Variants in CDK14 observed in about 807,000 individuals in gnomAD.
CDK14 encodes the protein cyclin-dependent kinase 14.
A neutral mutation model predicts 60.7 loss-of-function variants in CDK14; 34 were observed. The ratio of observed to expected loss-of-function variants is 0.56; its 90% CI spans 0.43 to 0.75. The LOEUF (loss-of-function observed/expected upper bound fraction) is 0.75. Among genes scored for constraint, CDK14 ranks in the 30% least tolerant of loss-of-function variants. CDK14 has a pLI of 0.00. For synonymous variants in CDK14, 197 were observed against 203.7 expected (o/e 0.97, Z 0.28); for missense variants, 482 against 564.1 (o/e 0.85, Z 1.47).
At chr7:91,114,358 G>A (rs28532612) in intron 13 of CDK14, among the ~76,000 whole-genome samples, 100 of 152,208 alleles carry the variant, frequency 6.6e-4, no homozygotes, top group Middle Eastern at 3.4e-3. Context: ...ATTATCACTC[G>A]GCAGCAGACT....
At chr7:90,880,620 C>T (rs1791715996) in intron 6 of CDK14, among the ~76,000 whole-genome samples, 1 of 152,132 alleles carries the variant, frequency 6.6e-6, no homozygotes, top group African/African-American at 2.4e-5. Context: ...CCATGCCACC[C>T]AACTGGATGA....
chr7:90,736,503 G>A (rs552603259), intron 3 of CDK14, among the ~76,000 whole-genome samples: 1 of 151,830 alleles, frequency 6.6e-6, no homozygotes, highest in African/African-American at 2.4e-5. Flanking sequence ...CCCATGGGAA[G>A]CATGGGAAAA....
intron 14 of CDK14, among the ~76,000 whole-genome samples, chr7:91,171,987 T>C (rs989495169): frequency 6.6e-6 from 1 of 152,226 alleles, no homozygotes; most frequent in Non-Finnish European, 1.5e-5. Flanking sequence ...TTTTCTACAG[T>C]TGATTAGATT....
At chr7:90,883,982 T>C (rs951821462) in intron 6 of CDK14, among the ~76,000 whole-genome samples, 3 of 152,204 alleles carry the variant, frequency 2.0e-5, no homozygotes, top group African/African-American at 7.2e-5. Context: ...GCCAATATCA[T>C]ATTGAATGGG....
chr7:90,926,873 T>G (rs1252453431), intron 8 of CDK14, among the ~76,000 whole-genome samples: 1 of 152,168 alleles, frequency 6.6e-6, no homozygotes, highest in Non-Finnish European at 1.5e-5. Context: ...CCACGCCCCC[T>G]TCCTTGGGTT....
intron 5 of CDK14, among the ~76,000 whole-genome samples, chr7:90,809,040 C>G (rs538486090): frequency 6.6e-6 from 1 of 152,310 alleles, no homozygotes; most frequent in Admixed American, 6.5e-5. Context: ...TAACACCCCA[C>G]TGTCAGCATT....
At chr7:91,190,213 C>T (rs1802318041) in intron 14 of CDK14, among the ~76,000 whole-genome samples, 1 of 152,124 alleles carries the variant, frequency 6.6e-6, no homozygotes, top group South Asian at 2.1e-4. Context: ...AGGCTGAGGC[C>T]TCATCTTCAC....
At chr7:91,026,803 C>T (rs1796582883) in intron 10 of CDK14, among the ~76,000 whole-genome samples, 2 of 152,178 alleles carry the variant, frequency 1.3e-5, no homozygotes, top group Admixed American at 6.5e-5. Context: ...GGTGAGGCCC[C>T]CTCCTCCTAA....
chr7:91,182,379 TC>T (rs1802031975), intron 14 of CDK14, among the ~76,000 whole-genome samples: 3 of 152,098 alleles, frequency 2.0e-5, no homozygotes, highest in Admixed American at 2.0e-4. Context: ...GGTTTTTTTT[TC>T]TTTTTAGGAT....
At chr7:91,188,414 C>G (rs566406250) in intron 14 of CDK14, among the ~76,000 whole-genome samples, 2 of 152,058 alleles carry the variant, frequency 1.3e-5, no homozygotes, top group Non-Finnish European at 2.9e-5. Flanking sequence ...AAAGCAATAT[C>G]CAGGCAAAAC....
chr7:91,184,042 T>A lies in CDK14; in HGVS notation c.*29-23123T>A, dbSNP rs1802089909. ...AGTAAGACCTGTCTCTACTAAAAAA[T>A]TTTTAAACCAGGCGCTTAAAATTAC... On this transcript the variant is annotated intron_variant, in intron 14 of 14. Coordinates refer to ENST00000380050, the MANE Select transcript of CDK14 (RefSeq NM_001287135.2). 2.0e-5 allele frequency among the ~76,000 whole-genome samples: 3 copies of A among 151,686 alleles called. No individual in the cohort carries two copies. The South Asian group carries it at 6.3e-4, about 32-fold the overall frequency.
intron 6 of CDK14, among the ~76,000 whole-genome samples, chr7:90,877,388 C>G (rs1464125357): frequency 2.0e-5 from 3 of 151,772 alleles, no homozygotes; most frequent in African/African-American, 7.3e-5. Context: ...AACAGATACT[C>G]ATGCCTCATT....
chr7:90,942,843 A>G (rs1793975589), intron 8 of CDK14, among the ~76,000 whole-genome samples: 1 of 152,198 alleles, frequency 6.6e-6, no homozygotes, highest in Non-Finnish European at 1.5e-5. Context: ...ATATTTATAT[A>G]ACAGAATTTG....
chr7:91,001,451 G>A (rs901343285), intron 10 of CDK14, among the ~76,000 whole-genome samples: 1 of 152,206 alleles, frequency 6.6e-6, no homozygotes, highest in African/African-American at 2.4e-5. Context: ...AGCAAATGAA[G>A]AGATTTTATC....
At chr7:91,128,581 A>G (rs1800020017) in intron 14 of CDK14, among the ~76,000 whole-genome samples, 1 of 152,252 alleles carries the variant, frequency 6.6e-6, no homozygotes, top group African/African-American at 2.4e-5. Flanking sequence ...TAAACAAACC[A>G]CTTTGAGGGA....
At chr7:90,865,859 G>A (rs188620414) in intron 6 of CDK14, among the ~76,000 whole-genome samples, 5 of 152,204 alleles carry the variant, frequency 3.3e-5, no homozygotes, top group Non-Finnish European at 5.9e-5. Flanking sequence ...GGGAGATGAA[G>A]CAGTTATTTC....
chr7:91,034,753 CAT>C (rs1415553473), intron 10 of CDK14, among the ~76,000 whole-genome samples: 2 of 152,144 alleles, frequency 1.3e-5, no homozygotes, highest in African/African-American at 4.8e-5. Flanking sequence ...AACCCAGAAT[CAT>C]AGTATTTTAA....
At chr7:90,654,672 G>A (rs1314496281) in intron 2 of CDK14, among the ~76,000 whole-genome samples, 1 of 152,034 alleles carries the variant, frequency 6.6e-6, no homozygotes, top group Non-Finnish European at 1.5e-5. Context: ...GCTTTTTTTG[G>A]GTGGGAGGGG....
chr7:90,962,832 G>C (rs2041349), intron 9 of CDK14, among the ~76,000 whole-genome samples: 85,536 of 151,790 alleles, frequency 0.56, 24,619 homozygotes, highest in East Asian at 0.71. Flanking sequence ...TGGTTTGTGA[G>C]AATAACAAGA....
Sources: allele counts gnomAD v4.1 joint callset (sites outside exome capture counted in the v4.1 genomes callset), GRCh38; gene constraint gnomAD v4.1.1; transcripts MANE v1.5; gene names NCBI Gene and HGNC (gene_info 2026-07-23, HGNC 2026-07-21).